Variants in UNC13A observed in about 807,000 individuals in gnomAD.
UNC13A encodes the protein unc-13 homolog A.
A neutral mutation model predicts 219.7 loss-of-function variants in UNC13A; 61 were observed. The ratio of observed to expected loss-of-function variants is 0.28; its 90% CI spans 0.23 to 0.34. UNC13A has a LOEUF of 0.34. Ranked by LOEUF, UNC13A falls within the 10% of genes least tolerant of loss-of-function variation. The pLI is 1.00. For missense variants in UNC13A, 1,476 were observed against 2,270.3 expected (o/e 0.65, Z 7.11); for synonymous variants, 920 against 884.6 (o/e 1.04, Z -0.71).
At position 17,684,401 on chromosome 19, in the gene UNC13A, G is replaced by A. The variant is rs76658478; in HGVS notation, c.22+3777C>T. Among the ~76,000 whole-genome samples the A allele has an allele frequency of 4.1e-3, 627 of 152,248 alleles. 3 individuals are homozygous for A. The highest frequency in any genetic ancestry group is 0.014 in the African/African-American group (592 of 41,532). On this transcript the variant is annotated intron_variant, in intron 1 of 43. Coordinates refer to ENST00000519716, the MANE Select transcript of UNC13A (RefSeq NM_001080421.3). ...ATGGGACGTGCAGGAGTGATGGCTA[G>A]GAATAGGGCTGGGTCCCAGAGCCAG...
intron 21 of UNC13A, 25 bp from the exon 22 acceptor site, chr19:17,640,686 T>C: frequency 1.3e-6 from 2 of 1,556,034 alleles, no homozygotes; most frequent in Non-Finnish European, 1.7e-6. Flanking sequence ...CAGGAGGCAC[T>C]AGGCCAGGGG....
intron 20 of UNC13A, 131 bp from the exon 21 acceptor site, chr19:17,641,687 T>TTTTTTTTTTTTTTTTTTTGAGA: frequency 4.2e-6 from 4 of 956,060 alleles, no homozygotes; most frequent in Non-Finnish European, 6.1e-6. Context: ...TACTCTTTTA[T>TTTTTTTTTTTTTTTTTTTGAGA]CCATCCACAC....
intron 20 of UNC13A, among the ~76,000 whole-genome samples, chr19:17,642,362 C>A (rs1317671474): frequency 6.6e-6 from 1 of 152,226 alleles, no homozygotes; most frequent in Non-Finnish European, 1.5e-5. Flanking sequence ...CATCATCCAT[C>A]TAGCCACGAA....
intron 5 of UNC13A, 38 bp from the exon 6 acceptor site, chr19:17,668,228 T>G: frequency 6.3e-7 from 1 of 1,588,112 alleles, no homozygotes; most frequent in Admixed American, 1.7e-5. Flanking sequence ...TGGAAGACCC[T>G]CCCTGCCGCT....
At chr19:17,652,784 T>TG in intron 11 of UNC13A, 107 bp from the exon 12 acceptor site, 12 of 1,262,890 alleles carry the variant, frequency 9.5e-6, no homozygotes, top group Non-Finnish European at 1.4e-5. Context: ...TCAGATGGCC[T>TG]GGGTCCTAGT....
intron 4 of UNC13A, among the ~76,000 whole-genome samples, chr19:17,672,064 T>A (rs1271045344): frequency 1.3e-5 from 2 of 152,090 alleles, no homozygotes; most frequent in Non-Finnish European, 2.9e-5. Context: ...ATGTCTAAGT[T>A]CTGGCCAATG....
intron 42 of UNC13A, 71 bp from the exon 43 acceptor site, chr19:17,610,170 C>T: frequency 6.2e-7 from 1 of 1,600,192 alleles, no homozygotes; most frequent in Non-Finnish European, 8.5e-7. Flanking sequence ...TTGTGGCTCT[C>T]AAAACCTGCC....
At chr19:17,648,813 AC>A (rs989377697) in intron 15 of UNC13A, 98 bp downstream of exon 15, 6 of 1,499,752 alleles carry the variant, frequency 4.0e-6, no homozygotes, top group Non-Finnish European at 4.5e-6. Flanking sequence ...TCACACACAC[AC>A]CCTTCCTCTT....
chr19:17,623,926 C>T lies in UNC13A; in HGVS notation c.4198-379G>A, dbSNP rs1299524116. Among the ~76,000 whole-genome samples the T allele has an allele frequency of 1.1e-4, 17 of 152,164 alleles. No individual in the cohort carries two copies. In the East Asian group the frequency reaches 2.7e-3, roughly 24 times the overall value. ...CTAGAGATTATGGCCTCTGGTCTAT[C>T]GGTCCTGGTCTCTGGATGGCCAATG... On this transcript the variant is annotated intron_variant, in intron 35 of 43. Coordinates refer to ENST00000519716, the MANE Select transcript of UNC13A (RefSeq NM_001080421.3).
Position 17,627,458 on chromosome 19 carries a change from G to A in UNC13A, c.3920+51C>T. The A allele has an allele frequency of 1.4e-6, 2 of 1,414,432 alleles. No individual in the cohort carries two copies. Among genetic ancestry groups the A allele is most frequent in the South Asian group, 1.2e-5 (1 of 81,040 alleles). The allele number at this position is 1,414,432 out of a possible 1,614,324, so 87.6% of individuals were successfully genotyped here. A position where few individuals can be genotyped will look rare whatever the true frequency, so the allele number is the denominator to read the frequency against. Reference sequence around the variant, plus strand: ...GCCTCCAGATGCCCCAGGCTTAGAGGGCTGAAGGCTGTTCCCTCCCCACTG... The same window carrying A: ...GCCTCCAGATGCCCCAGGCTTAGAGAGCTGAAGGCTGTTCCCTCCCCACTG... On this transcript the variant is annotated intron_variant, in intron 33 of 43. Transcript: ENST00000519716. The surrounding 1 kb of genome is among the most constrained non-coding windows in gnomAD (Gnocchi z 4.7).
At position 17,606,406 on chromosome 19, in the gene UNC13A, C is replaced by G. The variant is rs1175746335; in HGVS notation, c.4812-52G>C. 4 of 1,523,582 alleles carry G rather than the reference C, an allele frequency of 2.6e-6. No individual in the cohort carries two copies. In the African/African-American group the frequency reaches 5.5e-5, roughly 21 times the overall value. The allele number at this position is 1,523,582 out of a possible 1,614,324, so 94.4% of individuals were successfully genotyped here. On this transcript the variant is annotated intron_variant, in intron 43 of 43. Coordinates refer to ENST00000519716, the MANE Select transcript of UNC13A (RefSeq NM_001080421.3). ...ACAGGCCACACCTACTGTGATGCCC[C>G]GCCCACGGCCCCGTCCCCACCGCAT...
rs751024625 is a variant in UNC13A at position 17,648,912 on chromosome 19, C to A, written c.1596G>T (p.Leu532=). Residue 532 remains leucine (L), a splice_region_variant and synonymous_variant, in exon 15 of 44, where the codon CTG becomes CTT. Transcript: ENST00000519716. ...GGGGAAAAAGAGGTGCCCCACGCACCAGCTCCTCGTTGTTCAACGTGCTGG... is the reference window on the plus strand; with the variant it reads ...GGGGAAAAAGAGGTGCCCCACGCACAAGCTCCTCGTTGTTCAACGTGCTGG... ...LASSTLNNEE[L]KNHVYKKTLQ... is the part of the protein sequence containing the mutation. 4.3e-5 allele frequency: 68 copies of A among 1,593,882 alleles called. No individual in the cohort carries two copies. In the Admixed American group the frequency reaches 9.0e-4, roughly 21 times the overall value.
intron 22 of UNC13A, 136 bp from the exon 23 acceptor site, chr19:17,640,044 T>C: frequency 1.1e-6 from 1 of 908,448 alleles, no homozygotes; most frequent in South Asian, 1.6e-5. Flanking sequence ...GCATTTTTTT[T>C]TTTGTTTTGA....
chr19:17,645,527 G>A, intron 19 of UNC13A, 147 bp downstream of exon 19: 7 of 1,156,704 alleles, frequency 6.1e-6, no homozygotes, highest in Non-Finnish European at 7.2e-6. Flanking sequence ...CATCAAACTG[G>A]GCTCCTAGAC....
Position 17,606,891 on chromosome 19 carries a change from C to T in UNC13A, c.4812-537G>A, listed in dbSNP as rs79449274. ...GCCTCACCATGGGTGACACCGCCTCCCGCATGCCCCTCACCTGTGCTCCTG... is the reference window on the plus strand; with the variant it reads ...GCCTCACCATGGGTGACACCGCCTCTCGCATGCCCCTCACCTGTGCTCCTG... On this transcript the variant is annotated intron_variant, in intron 43 of 43. Coordinates refer to ENST00000519716, the MANE Select transcript of UNC13A (RefSeq NM_001080421.3). Among the ~76,000 whole-genome samples the T allele has an allele frequency of 1.6e-3, 236 of 152,012 alleles. 1 individual carries two copies. In the East Asian group the frequency reaches 0.039, roughly 25 times the overall value.
At chr19:17,640,688 G>T in intron 21 of UNC13A, 27 bp from the exon 22 acceptor site, 1 of 1,553,610 alleles carries the variant, frequency 6.4e-7, no homozygotes, top group East Asian at 2.3e-5. Context: ...GGAGGCACTA[G>T]GCCAGGGGTC....
rs1326781623 is a variant in UNC13A at position 17,649,712 on chromosome 19, G to A, written c.1440-125C>T. On this transcript the variant is annotated intron_variant, in intron 12 of 43. Transcript: ENST00000519716. The surrounding 1 kb of genome is among the most constrained non-coding windows in gnomAD (Gnocchi z 4.4). ...ATTGGGTCCCTCAAAAAAAAGATAC[G>A]CTGATGCCCTAACCCCCACTACCTC... is the stretch of plus-strand genomic sequence containing the variant. The A allele has an allele frequency of 3.0e-6, 3 of 999,852 alleles. No homozygotes were observed. The highest frequency in any genetic ancestry group is 1.6e-5 in the African/African-American group (1 of 62,526). The allele number at this position is 999,852 out of a possible 1,614,324, so 61.9% of individuals were successfully genotyped here. A position where few individuals can be genotyped will look rare whatever the true frequency, so the allele number is the denominator to read the frequency against.
In UNC13A at chr19:17,645,851, GGGA is replaced by G. The variant is rs768531024; in HGVS notation, c.2187-11_2187-9del. On this transcript the variant is annotated splice_polypyrimidine_tract_variant and intron_variant, in intron 18 of 43. Coordinates refer to ENST00000519716, the MANE Select transcript of UNC13A (RefSeq NM_001080421.3). Reference sequence around the variant, plus strand: ...GAGGAATTGTGACATTCACTGTGGCGGGAGGAGGAGGCAGAGGCAGGGGTCAGG... The same window carrying G: ...GAGGAATTGTGACATTCACTGTGGCGGGAGGAGGCAGAGGCAGGGGTCAGG... 8 of 1,599,572 alleles carry G rather than the reference GGGA, an allele frequency of 5.0e-6. No individual in the cohort carries two copies. In the Admixed American group the frequency reaches 5.2e-5, roughly 10 times the overall value.
At chr19:17,682,879 C>T (rs1332043801) in intron 1 of UNC13A, among the ~76,000 whole-genome samples, 1 of 151,922 alleles carries the variant, frequency 6.6e-6, no homozygotes, top group African/African-American at 2.4e-5. Context: ...GCCTGGCTAG[C>T]ATGGTGAAAC....
Sources: allele counts gnomAD v4.1 joint callset (sites outside exome capture counted in the v4.1 genomes callset), GRCh38; gene constraint gnomAD v4.1.1; non-coding constraint Gnocchi (gnomAD v3.1); transcripts MANE v1.5; gene names NCBI Gene and HGNC (gene_info 2026-07-23, HGNC 2026-07-21).